Variants in TMEM232 observed in about 807,000 individuals in gnomAD.
TMEM232 encodes the protein transmembrane protein 232.
A neutral mutation model predicts 78.8 loss-of-function variants in TMEM232; 80 were observed. That is an observed-to-expected ratio of 1.01 (90% confidence interval 0.85 to 1.22). TMEM232 has a LOEUF of 1.22. TMEM232 is among the 50% of genes most tolerant of loss of function. The pLI, the probability that TMEM232 is intolerant of heterozygous loss-of-function variation, is 0.00. For missense variants in TMEM232, 881 were observed against 742.2 expected (o/e 1.19, Z -2.17); for synonymous variants, 297 against 254.3 (o/e 1.17, Z -1.60).
At chr5:110,639,773 G>T (rs141949533) in intron 4 of TMEM232, among the ~76,000 whole-genome samples, 2,728 of 152,264 alleles carry the variant, frequency 0.018, 30 homozygotes, top group Admixed American at 0.024. Flanking sequence ...TTGGCACCAG[G>T]GACTGGTTTT....
At chr5:110,670,451 A>T (rs1791207663) in intron 1 of TMEM232, among the ~76,000 whole-genome samples, 1 of 152,212 alleles carries the variant, frequency 6.6e-6, no homozygotes, top group African/African-American at 2.4e-5. Flanking sequence ...CTTCAATGAG[A>T]ACTACAAACC....
At chr5:110,447,997 T>C (rs916416389) in intron 12 of TMEM232, among the ~76,000 whole-genome samples, 16 of 152,054 alleles carry the variant, frequency 1.1e-4, no homozygotes, top group African/African-American at 2.7e-4. Flanking sequence ...AGAAAACTTA[T>C]AGAGCTGAAA....
chr5:110,690,236 A>G (rs769144444), intron 1 of TMEM232, among the ~76,000 whole-genome samples: 11 of 152,210 alleles, frequency 7.2e-5, no homozygotes, highest in Non-Finnish European at 1.5e-4. Flanking sequence ...CAGTCTATCC[A>G]TCTGACAAAG....
rs1338679515 is a variant in TMEM232 at position 110,643,195 on chromosome 5, G to C, written c.126-824C>G. ...GAAGGACTGAATCGCTATTCACTAAGATGGGGAAAATTGTTAGAGAAGCGG... is the reference window on the plus strand; with the variant it reads ...GAAGGACTGAATCGCTATTCACTAACATGGGGAAAATTGTTAGAGAAGCGG... On this transcript the variant is annotated intron_variant, in intron 2 of 13. Coordinates refer to ENST00000455884, the MANE Select transcript of TMEM232 (RefSeq NM_001039763.4). Among the ~76,000 whole-genome samples, 3 of 152,060 alleles carry C rather than the reference G, an allele frequency of 2.0e-5. No individual in the cohort carries two copies. The East Asian group carries it at 5.8e-4, about 29-fold the overall frequency.
intron 1 of TMEM232, among the ~76,000 whole-genome samples, chr5:110,721,673 G>GTATATATATATATATATATATA (rs10522202): frequency 0.057 from 2,027 of 35,454 alleles, 604 homozygotes; most frequent in Admixed American, 0.2. Flanking sequence ...GTGTGTGTGT[G>GTATATATATATATATATATATA]TATATATATA....
chr5:110,391,644 G>A (rs1755201075), intron 3 of TMEM232, among the ~76,000 whole-genome samples: 1 of 152,072 alleles, frequency 6.6e-6, no homozygotes, highest in African/African-American at 2.4e-5. Flanking sequence ...TGTAGTTATG[G>A]ACTAAAGCAT....
chr5:110,412,755 T>C (rs898829499), intron 2 of TMEM232, among the ~76,000 whole-genome samples: 1 of 152,206 alleles, frequency 6.6e-6, no homozygotes, highest in African/African-American at 2.4e-5. Context: ...CCATTGTTAT[T>C]TGATACTGTA....
At chr5:110,487,171 A>T (rs1764552197) in intron 12 of TMEM232, among the ~76,000 whole-genome samples, 1 of 152,028 alleles carries the variant, frequency 6.6e-6, no homozygotes, top group Admixed American at 6.6e-5. Flanking sequence ...GTATCCAGAA[A>T]CTTTGCTGAA....
At chr5:110,620,642 CTCTCCTCTCTCTCTCTCCTCCTCT>C (rs1359456112) in intron 7 of TMEM232, among the ~76,000 whole-genome samples, 1 of 108,222 alleles carries the variant, frequency 9.2e-6, no homozygotes, top group African/African-American at 4.0e-5. Context: ...TCTCTCTCCT[CTCTCCTCTCTCTCTCTCCTCCTCT>C]CTCTCTCTCT....
chr5:110,734,044 T>C (rs1798936786), intron 2 of TMEM232, among the ~76,000 whole-genome samples: 1 of 152,274 alleles, frequency 6.6e-6, no homozygotes, highest in African/African-American at 2.4e-5. Flanking sequence ...ATGTTTGTGA[T>C]GATAGTATTT....
chr5:110,393,150 T>C (rs1057443925), intron 3 of TMEM232, among the ~76,000 whole-genome samples: 1 of 152,228 alleles, frequency 6.6e-6, no homozygotes, highest in South Asian at 2.1e-4. Flanking sequence ...TTGAGTAGAA[T>C]GTTCTAGAAA....
intron 7 of TMEM232, among the ~76,000 whole-genome samples, chr5:110,622,840 T>C (rs571111202): frequency 8.8e-6 from 1 of 113,174 alleles, no homozygotes; most frequent in African/African-American, 3.4e-5. Flanking sequence ...TGGGGAATGT[T>C]GTGGGGTGTG....
At chr5:110,680,530 G>A (rs76804650) in intron 1 of TMEM232, among the ~76,000 whole-genome samples, 5,780 of 151,638 alleles carry the variant, frequency 0.038, 274 homozygotes, top group East Asian at 0.22. Flanking sequence ...CTTTTTCTTG[G>A]TCTTCTTTTA....
intron 1 of TMEM232, among the ~76,000 whole-genome samples, chr5:110,685,373 A>G (rs1159863645): frequency 2.0e-5 from 3 of 152,142 alleles, no homozygotes; most frequent in Admixed American, 2.0e-4. Flanking sequence ...GGTGATATAC[A>G]GAACAAAATC....
At chr5:110,669,127 G>A (rs1371634450) in intron 1 of TMEM232, among the ~76,000 whole-genome samples, 1 of 151,852 alleles carries the variant, frequency 6.6e-6, no homozygotes, top group Non-Finnish European at 1.5e-5. Context: ...ATAACTAAGA[G>A]CAGAGCAGAA....
At chr5:110,575,750 T>C (rs190776029) in intron 10 of TMEM232, among the ~76,000 whole-genome samples, 1 of 152,108 alleles carries the variant, frequency 6.6e-6, no homozygotes, top group Admixed American at 6.6e-5. Context: ...TGAGTGAATG[T>C]GTGACCCTGG....
chr5:110,644,554 T>C (rs1028219148), intron 2 of TMEM232, among the ~76,000 whole-genome samples: 1 of 151,794 alleles, frequency 6.6e-6, no homozygotes, highest in South Asian at 2.1e-4. Flanking sequence ...CCTTTCTCAG[T>C]GCTCACAAAC....
intron 10 of TMEM232, among the ~76,000 whole-genome samples, chr5:110,593,610 A>C (rs938409513): frequency 6.6e-6 from 1 of 152,142 alleles, no homozygotes; most frequent in Non-Finnish European, 1.5e-5. Flanking sequence ...TGTGGGAGCT[A>C]AAAATTAAAA....
chr5:110,690,396 G>C (rs1561520594), intron 1 of TMEM232, among the ~76,000 whole-genome samples: 1 of 152,132 alleles, frequency 6.6e-6, no homozygotes, highest in Non-Finnish European at 1.5e-5. Flanking sequence ...CTGGTCATTA[G>C]AGAAATGCAA....
Sources: gnomAD v4.1 joint callset for allele counts (sites outside exome capture counted in the v4.1 genomes callset) on GRCh38, gnomAD v4.1.1 for gene constraint, MANE v1.5 for transcripts, NCBI Gene and HGNC (gene_info 2026-07-23, HGNC 2026-07-21) for gene names.